SPTLC3: variants seen among roughly 807,000 people sequenced by gnomAD.
SPTLC3 encodes serine palmitoyltransferase long chain base subunit 3.
A neutral mutation model predicts 59.3 loss-of-function variants in SPTLC3; 36 were observed. The ratio of observed to expected loss-of-function variants is 0.61; its 90% confidence interval spans 0.47 to 0.80. The LOEUF (loss-of-function observed/expected upper bound fraction) is 0.80, where lower values mean the gene tolerates loss of function less well. Ranked by LOEUF, SPTLC3 falls within the 30% of genes least tolerant of loss-of-function variation. The probability of loss-of-function intolerance (pLI) is 0.00; values close to 1 mark genes in which losing one functional copy is unlikely to be tolerated. For synonymous variants in SPTLC3, 257 were observed against 240.8 expected (o/e 1.07, Z -0.62); for missense variants, 625 against 685.1 (o/e 0.91, Z 0.98).
intron 1 of SPTLC3, among the ~76,000 whole-genome samples, chr20:13,035,216 C>T (rs1212973406): frequency 2.6e-5 from 4 of 152,134 alleles, no homozygotes; most frequent in Non-Finnish European, 5.9e-5. Context: ...CTCAATGAGA[C>T]TTGGTTTAGT....
intron 4 of SPTLC3, among the ~76,000 whole-genome samples, chr20:13,087,378 G>A (rs1259400842): frequency 6.6e-6 from 1 of 152,118 alleles, no homozygotes; most frequent in East Asian, 1.9e-4. Context: ...CTGACCCTCT[G>A]GGCAGGAAAG....
At chr20:13,153,860 G>A (rs2038706486) in intron 9 of SPTLC3, 143 bp from the exon 10 acceptor site, 1 of 1,096,418 alleles carries the variant, frequency 9.1e-7, no homozygotes, top group Admixed American at 2.2e-5. Flanking sequence ...TGCTCCCCAG[G>A]AGATATCTCC....
rs1335327332 is a variant in SPTLC3 at position 13,160,141 on chromosome 20, A to G, written c.1545+9A>G. The stretch of plus-strand genomic sequence containing the variant: ...GGGAGATGTTAGACACGGTGAGTAC[A>G]CCACAGGCCAACGGGATCTCAGTAC... On this transcript the variant is annotated intron_variant, in intron 11 of 11. Coordinates refer to ENST00000399002, the MANE Select transcript of SPTLC3 (RefSeq NM_018327.4). 1 of 1,612,586 alleles carries G rather than the reference A, an allele frequency of 6.2e-7. No individual in the cohort carries two copies. The highest frequency in any genetic ancestry group is 8.5e-7 in the Non-Finnish European group (1 of 1,178,994).
rs538024802 is a variant in SPTLC3, at chr20:13,127,911, G to A, written c.1279+1194G>A. ...AAAAGAAAACGACAGTCCAGTCTAG[G>A]AAGCCCTTATGGTATGAGACTGAAG... is the stretch of plus-strand genomic sequence containing the variant. On this transcript the variant is annotated intron_variant, in intron 9 of 11. Transcript: ENST00000399002. 2.0e-5 allele frequency among the ~76,000 whole-genome samples: 3 copies of A among 152,216 alleles called. No individual in the cohort carries two copies. The East Asian group carries it at 5.8e-4, about 29-fold the overall frequency.
chr20:13,153,421 T>C (rs2038694652), intron 9 of SPTLC3, among the ~76,000 whole-genome samples: 1 of 152,090 alleles, frequency 6.6e-6, no homozygotes, highest in Admixed American at 6.5e-5. Flanking sequence ...TCCCCCTCTT[T>C]CCTCCCTTCT....
intron 9 of SPTLC3, among the ~76,000 whole-genome samples, chr20:13,133,690 G>A (rs902325103): frequency 6.6e-6 from 1 of 152,098 alleles, no homozygotes; most frequent in African/African-American, 2.4e-5. Context: ...GCTGAGTTAA[G>A]GGGTAGCACC....
At position 13,117,541 on chromosome 20, in the gene SPTLC3, T is replaced by TA. The variant is rs1292904790; in HGVS notation, c.969dup (p.Ala324SerfsTer14). On this transcript the variant is annotated frameshift_variant, in exon 8 of 12. Transcript: ENST00000399002. LOFTEE classifies it high-confidence loss of function. ...TCCATCGTGCATCTGCCCCAGATCATAGCTCTAAAGAAGAAATACAAGGCT... is the reference window on the plus strand; with the variant it reads ...TCCATCGTGCATCTGCCCCAGATCATAAGCTCTAAAGAAGAAATACAAGGCT... The TA allele has an allele frequency of 3.7e-6, 6 of 1,609,378 alleles. No homozygotes were observed. Among genetic ancestry groups the TA allele is most frequent in the Non-Finnish European group, 4.2e-6 (5 of 1,177,720 alleles).
At chr20:13,110,484 G>T (rs1174674998) in intron 7 of SPTLC3, among the ~76,000 whole-genome samples, 1 of 152,172 alleles carries the variant, frequency 6.6e-6, no homozygotes, top group East Asian at 1.9e-4. Flanking sequence ...GCTAACTTGA[G>T]TTGATCTTTC....
chr20:13,009,285 T>C lies in SPTLC3; in HGVS notation c.18T>C (p.Gly6=), dbSNP rs1466683451. ...TCACACCCATGGCTAACCCTGGAGGTGGTGCTGTTTGCAACGGGAAACTTC... is the reference window on the plus strand; with the variant it reads ...TCACACCCATGGCTAACCCTGGAGGCGGTGCTGTTTGCAACGGGAAACTTC... MANPG[G]GAVCNGKLHN... Residue 6 remains glycine, a synonymous_variant, in exon 1 of 12, where the codon GGT becomes GGC. Coordinates refer to ENST00000399002, the MANE Select transcript of SPTLC3 (RefSeq NM_018327.4). 3 of 1,613,998 alleles carry C rather than the reference T, an allele frequency of 1.9e-6. No homozygotes were observed. Among genetic ancestry groups the C allele is most frequent in the East Asian group, 2.2e-5 (1 of 44,870 alleles).
chr20:13,114,075 G>A (rs1172968519), intron 7 of SPTLC3, among the ~76,000 whole-genome samples: 2 of 152,190 alleles, frequency 1.3e-5, no homozygotes, highest in South Asian at 2.1e-4. Flanking sequence ...ATGGGACAAA[G>A]GCTCAATGTA....
intron 2 of SPTLC3, among the ~76,000 whole-genome samples, chr20:13,061,207 A>C (rs987371885): frequency 6.6e-6 from 1 of 152,176 alleles, no homozygotes; most frequent in Non-Finnish European, 1.5e-5. Flanking sequence ...ATGGGGGTGC[A>C]TATGCTCTAC....
chr20:13,150,492 T>C (rs1293132367), intron 9 of SPTLC3, among the ~76,000 whole-genome samples: 3 of 152,226 alleles, frequency 2.0e-5, no homozygotes, highest in Non-Finnish European at 2.9e-5. Flanking sequence ...CCTATCTCTT[T>C]CTTTAAAACC....
At chr20:13,046,049 T>C (rs978324198) in intron 1 of SPTLC3, among the ~76,000 whole-genome samples, 14 of 152,212 alleles carry the variant, frequency 9.2e-5, no homozygotes, top group Non-Finnish European at 7.3e-5. Context: ...ATTCTCTAAG[T>C]CAGCCAAAGG....
chr20:13,050,032 A>G (rs964375349), intron 2 of SPTLC3: 3 of 152,192 alleles, frequency 2.0e-5, no homozygotes, highest in African/African-American at 7.2e-5. Flanking sequence ...AGGCTCTTCA[A>G]CACCCCCCAA....
chr20:13,076,384 C>A (rs916340534), intron 4 of SPTLC3, among the ~76,000 whole-genome samples: 14 of 152,084 alleles, frequency 9.2e-5, no homozygotes, highest in African/African-American at 3.1e-4. Context: ...AATGGGTTAA[C>A]AATGAAAATT....
At chr20:13,130,944 G>A (rs1379047640) in intron 9 of SPTLC3, among the ~76,000 whole-genome samples, 2 of 152,178 alleles carry the variant, frequency 1.3e-5, no homozygotes, top group South Asian at 2.1e-4. Flanking sequence ...AAGATCATGA[G>A]GATGTTTATC....
intron 4 of SPTLC3, among the ~76,000 whole-genome samples, chr20:13,084,181 G>C (rs531678062): frequency 2.0e-5 from 3 of 152,242 alleles, no homozygotes; most frequent in African/African-American, 7.2e-5. Context: ...TTTGGACCCT[G>C]TATCATGAAC....
At chr20:13,145,863 A>T (rs1258722326) in intron 9 of SPTLC3, among the ~76,000 whole-genome samples, 3 of 152,218 alleles carry the variant, frequency 2.0e-5, no homozygotes, top group Non-Finnish European at 4.4e-5. Flanking sequence ...GATCTTCAAC[A>T]AACTTGACAA....
intron 6 of SPTLC3, among the ~76,000 whole-genome samples, chr20:13,100,648 T>A (rs1423030184): frequency 6.6e-6 from 1 of 152,234 alleles, no homozygotes; most frequent in Non-Finnish European, 1.5e-5. Flanking sequence ...TAATAGTACA[T>A]GTGGATAATA....
Sources: gnomAD v4.1 joint callset for allele counts (sites outside exome capture counted in the v4.1 genomes callset) on GRCh38, gnomAD v4.1.1 for gene constraint, MANE v1.5 for transcripts, NCBI Gene and HGNC (gene_info 2026-07-23, HGNC 2026-07-21) for gene names.